ACKR1: variants seen among roughly 807,000 people sequenced by gnomAD.
ACKR1 encodes the protein atypical chemokine receptor 1 (Duffy blood group), also known as atypical chemokine receptor 1.
Under a neutral mutation model 2.5 loss-of-function variants are expected in ACKR1, and 3 were observed. That is an observed-to-expected ratio of 1.18 (90% CI 0.54 to 3.06). The LOEUF is 3.06. Among genes scored for constraint, ACKR1 ranks in the 30% most tolerant of loss-of-function variants. The pLI is 0.03. For synonymous variants in ACKR1, 208 were observed against 178.2 expected (o/e 1.17, Z -1.33); for missense variants, 438 against 395.2 (o/e 1.11, Z -0.92).
chr1:159,204,938 C>G lies in ACKR1; in HGVS notation c.-22C>G. 6.2e-7 allele frequency: 1 copy of G among 1,614,108 alleles called. No individual in the cohort carries two copies. The highest frequency in any genetic ancestry group is 8.5e-7 in the Non-Finnish European group (1 of 1,180,016). On this transcript the variant is annotated 5_prime_UTR_variant, in exon 1 of 2. Transcript: ENST00000368122. Reference sequence around the variant, plus strand: ...ACAGCCGTCCCAGCCCTTCTGTCTGCGGGCCTGAACCAAACGGTGCCATGG... The same window carrying G: ...ACAGCCGTCCCAGCCCTTCTGTCTGGGGGCCTGAACCAAACGGTGCCATGG...
chr1:159,205,228 C>T (rs1025206892), intron 1 of ACKR1: 7 of 679,318 alleles, frequency 1.0e-5, no homozygotes, highest in African/African-American at 7.3e-5. Context: ...TCCTTCTGAC[C>T]TTGCACTGCT....
rs14525 is a variant in ACKR1, at chr1:159,206,432, C to T, written c.993C>T (p.Thr331=). The change falls in exon 2 of 2, where the codon ACC becomes ACT. Residue 331 remains threonine (T), a synonymous_variant. Coordinates refer to ENST00000368122, the MANE Select transcript of ACKR1 (RefSeq NM_002036.4). ...AAGGATGGTCTTCTCATCTGGACAC[C>T]CTTGGAAGCAAATCCTAGTTCTCTT... ...LPEGWSSHLD[T]LGSKS is the part of the protein sequence containing the mutation. 2 of 1,612,342 alleles carry T rather than the reference C, an allele frequency of 1.2e-6. No homozygotes were observed. Among genetic ancestry groups the T allele is most frequent in the Non-Finnish European group, 1.7e-6 (2 of 1,178,658 alleles).
At chr1:159,205,425 G>C in intron 1 of ACKR1, 36 bp from the exon 2 acceptor site, 8 of 1,580,910 alleles carry the variant, frequency 5.1e-6, no homozygotes, top group Non-Finnish European at 6.9e-6. Context: ...CTCTTCCGGT[G>C]TAACTCTGAT....
chr1:159,205,037 C>T, intron 1 of ACKR1, 57 bp downstream of exon 1: 1 of 1,574,172 alleles, frequency 6.4e-7, no homozygotes, highest in Admixed American at 1.8e-5. Flanking sequence ...ATTTCCCCTG[C>T]TGTTTGCCCC....
chr1:159,205,053 C>G, intron 1 of ACKR1, 73 bp downstream of exon 1: 1 of 1,504,664 alleles, frequency 6.6e-7, no homozygotes, highest in Non-Finnish European at 9.0e-7. Flanking sequence ...GCCCCTCAGT[C>G]TTTATATCTC....
chr1:159,205,852 G>A lies in ACKR1; in HGVS notation c.413G>A (p.Gly138Asp). 1 of 1,614,068 alleles carries A rather than the reference G, an allele frequency of 6.2e-7. No individual in the cohort carries two copies. The highest frequency in any genetic ancestry group is 1.3e-5 in the African/African-American group (1 of 75,064). ...LCSLGYCVWY[G>D]SAFAQALLLG... The stretch of plus-strand genomic sequence containing the variant: ...AGCCTGGGCTACTGTGTCTGGTATG[G>A]CTCAGCCTTTGCCCAGGCTTTGCTG... Residue 138 changes from glycine to aspartate, a missense_variant, in exon 2 of 2, where the codon GGC (glycine) becomes GAC (aspartate). Transcript: ENST00000368122.
In ACKR1 at chr1:159,205,452, G is replaced by A; in HGVS notation, c.22-9G>A. 1.2e-6 allele frequency: 2 copies of A among 1,601,514 alleles called. No individual in the cohort carries two copies. Among genetic ancestry groups the A allele is most frequent in the African/African-American group, 1.3e-5 (1 of 74,960 alleles). On this transcript the variant is annotated splice_polypyrimidine_tract_variant and intron_variant, in intron 1 of 1. Coordinates refer to ENST00000368122, the MANE Select transcript of ACKR1 (RefSeq NM_002036.4). ...AACTCTGATGGCCTCCTCTGGGTAT[G>A]TCCTCCAGGCGGAGCTCTCCCCCTC... is the stretch of plus-strand genomic sequence containing the variant.
At position 159,205,582 on chromosome 1, in the gene ACKR1, C is replaced by T. The variant is rs761494659; in HGVS notation, c.143C>T (p.Ala48Val). The change falls in exon 2 of 2, where the codon GCT becomes GTT. Residue 48 changes from alanine to valine, a missense_variant. By Grantham distance (64) the Ala-to-Val change is moderately conservative. Transcript: ENST00000368122. ...DGDYGANLEA[A>V]APCHSCNLLD... ...GACTATGGTGCCAACCTGGAAGCAG[C>T]TGCCCCCTGCCACTCCTGTAACCTG... 4 of 1,614,240 alleles carry T rather than the reference C, an allele frequency of 2.5e-6. No individual in the cohort carries two copies. The Admixed American group carries it at 6.7e-5, about 27-fold the overall frequency.
In ACKR1 at chr1:159,205,571, C is replaced by A. The variant is rs1264539449; in HGVS notation, c.132C>A (p.Asn44Lys). 6.2e-7 allele frequency: 1 copy of A among 1,614,110 alleles called. No homozygotes were observed. Among genetic ancestry groups the A allele is most frequent in the Non-Finnish European group, 8.5e-7 (1 of 1,180,046 alleles). The change falls in exon 2 of 2, where the codon AAC (asparagine) becomes AAA (lysine). Residue 44 changes from asparagine (N) to lysine (K), a missense_variant. Asn to Lys is a moderately conservative substitution (Grantham distance 94). Coordinates refer to ENST00000368122, the MANE Select transcript of ACKR1 (RefSeq NM_002036.4). Reference sequence around the variant, plus strand: ...TCCCAGATGGAGACTATGGTGCCAACCTGGAAGCAGCTGCCCCCTGCCACT... The same window carrying A: ...TCCCAGATGGAGACTATGGTGCCAAACTGGAAGCAGCTGCCCCCTGCCACT... ...DSFPDGDYGA[N>K]LEAAAPCHSC... is the part of the protein sequence containing the mutation.
chr1:159,205,331 A>C, intron 1 of ACKR1, 130 bp from the exon 2 acceptor site: 2 of 1,150,836 alleles, frequency 1.7e-6, no homozygotes, highest in Non-Finnish European at 2.5e-6. Flanking sequence ...TCCGCACTGC[A>C]TCTGACTCCT....
chr1:159,205,492 G>A lies in ACKR1; in HGVS notation c.53G>A (p.Ser18Asn). Residue 18 changes from serine to asparagine, a missense_variant, in exon 2 of 2, where the codon AGT (serine) becomes AAT (asparagine). By Grantham distance (46) the Ser-to-Asn change is conservative. Transcript: ENST00000368122. ...AELSPSTENS[S>N]QLDFEDVWNS... ...CTCTCCCCCTCAACTGAGAACTCAA[G>A]TCAGCTGGACTTCGAAGATGTATGG... 1 of 1,613,418 alleles carries A rather than the reference G, an allele frequency of 6.2e-7. No homozygotes were observed. Among genetic ancestry groups the A allele is most frequent in the Non-Finnish European group, 8.5e-7 (1 of 1,179,518 alleles).
Position 159,204,926 on chromosome 1 carries a change from C to G in ACKR1, c.-34C>G. The G allele has an allele frequency of 6.2e-7, 1 of 1,614,072 alleles. No individual in the cohort carries two copies. The highest frequency in any genetic ancestry group is 1.6e-4 in the Middle Eastern group (1 of 6,062). On this transcript the variant is annotated 5_prime_UTR_variant, in exon 1 of 2. Coordinates refer to ENST00000368122, the MANE Select transcript of ACKR1 (RefSeq NM_002036.4). Reference sequence around the variant, plus strand: ...GCACAGGCGCTGACAGCCGTCCCAGCCCTTCTGTCTGCGGGCCTGAACCAA... The same window carrying G: ...GCACAGGCGCTGACAGCCGTCCCAGGCCTTCTGTCTGCGGGCCTGAACCAA...
chr1:159,205,944 C>T lies in ACKR1; in HGVS notation c.505C>T (p.Leu169Phe). The part of the protein sequence containing the change: ...AGQVPGLTLG[L>F]TVGIWGVAAL... ...CCAGGTCCCAGGCCTCACCCTGGGGCTCACTGTGGGAATTTGGGGAGTGGC... is the reference window on the plus strand; with the variant it reads ...CCAGGTCCCAGGCCTCACCCTGGGGTTCACTGTGGGAATTTGGGGAGTGGC... Residue 169 changes from leucine to phenylalanine, a missense_variant, in exon 2 of 2, where the codon CTC becomes TTC. Coordinates refer to ENST00000368122, the MANE Select transcript of ACKR1 (RefSeq NM_002036.4). The T allele has an allele frequency of 1.2e-6, 2 of 1,614,082 alleles. No individual in the cohort carries two copies. The highest frequency in any genetic ancestry group is 1.7e-6 in the Non-Finnish European group (2 of 1,179,966).
At position 159,206,008 on chromosome 1, in the gene ACKR1, C is replaced by T. The variant is rs1459040423; in HGVS notation, c.569C>T (p.Ala190Val). 4 of 1,614,202 alleles carry T rather than the reference C, an allele frequency of 2.5e-6. No homozygotes were observed. The highest frequency in any genetic ancestry group is 3.4e-6 in the Non-Finnish European group (4 of 1,180,010). The change falls in exon 2 of 2, where the codon GCT (alanine) becomes GTT (valine). Residue 190 changes from alanine (A) to valine (V), a missense_variant. By Grantham distance (64) the Ala-to-Val change is moderately conservative (BLOSUM62 0). Coordinates refer to ENST00000368122, the MANE Select transcript of ACKR1 (RefSeq NM_002036.4). ...CTGCCTGTCACCCTGGCCAGTGGTG[C>T]TTCTGGTGGACTCTGCACCCTGATA... is the stretch of plus-strand genomic sequence containing the variant. The part of the protein sequence containing the change: ...LTLPVTLASG[A>V]SGGLCTLIYS...
At position 159,205,607 on chromosome 1, in the gene ACKR1, G is replaced by T. The variant is rs1474232011; in HGVS notation, c.168G>T (p.Leu56=). The T allele has an allele frequency of 1.9e-6, 3 of 1,614,234 alleles. No homozygotes were observed. The highest frequency in any genetic ancestry group is 3.3e-5 in the Admixed American group (2 of 60,032). The change falls in exon 2 of 2, where the codon CTG becomes CTT. Residue 56 remains leucine, a synonymous_variant. Transcript: ENST00000368122. ...EAAAPCHSCN[L]LDDSALPFFI... ...CTGCCCCCTGCCACTCCTGTAACCT[G>T]CTGGATGACTCTGCACTGCCCTTCT...
At position 159,205,727 on chromosome 1, in the gene ACKR1, G is replaced by C. The variant is rs781338584; in HGVS notation, c.288G>C (p.Trp96Cys). ...TCCGCTGGCAGCTCTGCCCTGGCTG[G>C]CCTGTCCTGGCACAGCTGGCTGTGG... The part of the protein sequence containing the change: ...PLFRWQLCPG[W>C]PVLAQLAVGS... The change falls in exon 2 of 2, where the codon TGG (tryptophan) becomes TGC (cysteine). Residue 96 changes from tryptophan (W) to cysteine (C), a missense_variant. Trp to Cys is a radical substitution (Grantham distance 215). Transcript: ENST00000368122. 6.2e-7 allele frequency: 1 copy of C among 1,614,022 alleles called. No individual in the cohort carries two copies. The highest frequency in any genetic ancestry group is 8.5e-7 in the Non-Finnish European group (1 of 1,179,890).
rs773246198 is a variant in ACKR1, at chr1:159,205,586, C to A, written c.147C>A (p.Ala49=). The change falls in exon 2 of 2, where the codon GCC becomes GCA. Residue 49 remains alanine, a synonymous_variant. Transcript: ENST00000368122. ...ATGGTGCCAACCTGGAAGCAGCTGC[C>A]CCCTGCCACTCCTGTAACCTGCTGG... ...GDYGANLEAA[A]PCHSCNLLDD... 5.4e-5 allele frequency: 87 copies of A among 1,614,116 alleles called. No individual in the cohort carries two copies. Among genetic ancestry groups the A allele is most frequent in the Non-Finnish European group, 7.2e-5 (85 of 1,180,042 alleles).
At position 159,206,436 on chromosome 1, in the gene ACKR1, G is replaced by C. The variant is rs1650457233; in HGVS notation, c.997G>C (p.Gly333Arg). The change falls in exon 2 of 2, where the codon GGA (glycine) becomes CGA (arginine). Residue 333 changes from glycine (G) to arginine (R), a missense_variant. Gly to Arg is a moderately radical substitution (Grantham distance 125, BLOSUM62 -2). Coordinates refer to ENST00000368122, the MANE Select transcript of ACKR1 (RefSeq NM_002036.4). Reference protein sequence around the residue: ...EGWSSHLDTLGSKS With the variant: ...EGWSSHLDTLRSKS ...ATGGTCTTCTCATCTGGACACCCTT[G>C]GAAGCAAATCCTAGTTCTCTTCCCA... 7 of 1,611,992 alleles carry C rather than the reference G, an allele frequency of 4.3e-6. No individual in the cohort carries two copies. The highest frequency in any genetic ancestry group is 4.2e-6 in the Non-Finnish European group (5 of 1,178,546).
intron 1 of ACKR1, 83 bp from the exon 2 acceptor site, chr1:159,205,378 G>A: frequency 6.5e-7 from 1 of 1,529,702 alleles, no homozygotes; most frequent in African/African-American, 1.4e-5. Flanking sequence ...CTTCCTCTCT[G>A]TCCTCCCCTC....
Sources: allele counts gnomAD v4.1 joint callset, GRCh38; gene constraint gnomAD v4.1.1; transcripts MANE v1.5; gene names NCBI Gene and HGNC (gene_info 2026-07-23, HGNC 2026-07-21).